The following DMRT1 variants were observed in gnomAD, a reference collection of about 807,000 sequenced individuals.
The protein encoded by DMRT1 is doublesex- and mab-3-related transcription factor 1.
A neutral mutation model predicts 32.3 loss-of-function variants in DMRT1; 7 were observed. The observed-to-expected ratio is 0.22, with a 90% CI of 0.12 to 0.41. The LOEUF (loss-of-function observed/expected upper bound fraction) is 0.41. Among genes scored for constraint, DMRT1 ranks in the 10% least tolerant of loss-of-function variants. The probability of loss-of-function intolerance (pLI) is 1.00; values close to 1 mark genes in which losing one functional copy is unlikely to be tolerated. For synonymous variants in DMRT1, 278 were observed against 206.1 expected, an observed-to-expected ratio of 1.35 and a Z score of -2.99; for missense variants, 625 against 500.5, an observed-to-expected ratio of 1.25 and a Z score of -2.37.
intron 3 of DMRT1, among the ~76,000 whole-genome samples, chr9:899,787 A>T (rs1461479911): frequency 1.3e-5 from 2 of 152,234 alleles, no homozygotes; most frequent in Non-Finnish European, 2.9e-5. Context: ...AGCAGAAATA[A>T]ATATGGGAGG....
At chr9:921,280 G>A (rs1388444399) in intron 4 of DMRT1, among the ~76,000 whole-genome samples, 2 of 152,126 alleles carry the variant, frequency 1.3e-5, no homozygotes, top group East Asian at 3.9e-4. Flanking sequence ...TAGCTTAAAT[G>A]TTTTCATGAT....
chr9:853,592 C>G (rs1396640596), intron 2 of DMRT1, among the ~76,000 whole-genome samples: 1 of 151,468 alleles, frequency 6.6e-6, no homozygotes, highest in Non-Finnish European at 1.5e-5. Context: ...CCTGTCTCAG[C>G]CTCCTGAATA....
chr9:968,854 C>T lies in DMRT1; in HGVS notation c.*715C>T, dbSNP rs1327773548. The T allele has an allele frequency of 6.6e-6, 1 of 152,626 alleles. No individual in the cohort carries two copies. Among genetic ancestry groups the T allele is most frequent in the Non-Finnish European group, 1.5e-5 (1 of 68,080 alleles). The allele number at this position is 152,626 out of a possible 1,614,324, so 9.5% of individuals were successfully genotyped here. The stretch of plus-strand genomic sequence containing the variant: ...ATGAGTTTATCATACATTCTTTCTA[C>T]TACTGGAAAAAAATGGATGCAGTCT... On this transcript the variant is annotated 3_prime_UTR_variant, in exon 5 of 5. Coordinates refer to ENST00000382276, the MANE Select transcript of DMRT1 (RefSeq NM_021951.3).
chr9:949,942 C>A (rs12004781), intron 4 of DMRT1, among the ~76,000 whole-genome samples: 1 of 151,974 alleles, frequency 6.6e-6, no homozygotes, highest in Non-Finnish European at 1.5e-5. Context: ...GCACATTGTC[C>A]TTATTCATCT....
At chr9:868,687 G>C (rs1564209697) in intron 2 of DMRT1, among the ~76,000 whole-genome samples, 1 of 152,206 alleles carries the variant, frequency 6.6e-6, no homozygotes, top group Non-Finnish European at 1.5e-5. Context: ...GAATTGCAGA[G>C]TATACTTAAA....
At chr9:922,299 G>GA (rs1323509190) in intron 4 of DMRT1, among the ~76,000 whole-genome samples, 4 of 152,166 alleles carry the variant, frequency 2.6e-5, no homozygotes, top group Non-Finnish European at 5.9e-5. Context: ...CTGCTCCACA[G>GA]ACTGTTTGAA....
At chr9:888,328 CAG>C (rs1321848850) in intron 2 of DMRT1, among the ~76,000 whole-genome samples, 18 of 148,322 alleles carry the variant, frequency 1.2e-4, no homozygotes, top group Admixed American at 5.4e-4. Context: ...CCTTTTGAGA[CAG>C]AGTCTTGCCC....
chr9:947,156 G>A (rs1232908964), intron 4 of DMRT1, among the ~76,000 whole-genome samples: 2 of 152,214 alleles, frequency 1.3e-5, no homozygotes, highest in African/African-American at 2.4e-5. Flanking sequence ...CCTAGTCCAA[G>A]CTTGTCCATC....
At chr9:854,521 A>G (rs1238147476) in intron 2 of DMRT1, among the ~76,000 whole-genome samples, 6 of 152,114 alleles carry the variant, frequency 3.9e-5, no homozygotes, top group African/African-American at 1.2e-4. Flanking sequence ...GAGTTTTCTA[A>G]TGTTGTAAAG....
At chr9:847,765 G>C (rs1838968352) in intron 2 of DMRT1, among the ~76,000 whole-genome samples, 1 of 152,190 alleles carries the variant, frequency 6.6e-6, no homozygotes, top group Non-Finnish European at 1.5e-5. Flanking sequence ...ACTGCACTAG[G>C]TCTCTAAATT....
chr9:886,983 A>C (rs929933705), intron 2 of DMRT1, among the ~76,000 whole-genome samples: 1 of 152,214 alleles, frequency 6.6e-6, no homozygotes, highest in African/African-American at 2.4e-5. Flanking sequence ...ACAAGCATCA[A>C]AAGGGAATCT....
chr9:850,332 C>CA (rs1839091043), intron 2 of DMRT1, among the ~76,000 whole-genome samples: 1 of 151,928 alleles, frequency 6.6e-6, no homozygotes, highest in South Asian at 2.1e-4. Context: ...GGGGGAGAGC[C>CA]AAAAAAACAA....
intron 2 of DMRT1, among the ~76,000 whole-genome samples, chr9:857,625 T>G (rs141040452): frequency 1.0e-3 from 152 of 151,720 alleles, no homozygotes; most frequent in African/African-American, 3.4e-3. Flanking sequence ...TGTGAGTTTC[T>G]TTTTTTTTCT....
intron 4 of DMRT1, among the ~76,000 whole-genome samples, chr9:923,819 T>C (rs553611361): frequency 6.6e-6 from 1 of 152,384 alleles, no homozygotes; most frequent in East Asian, 1.9e-4. Context: ...TAGAAAATGC[T>C]GAGTTTAATT....
At chr9:955,097 G>T (rs1364443034) in intron 4 of DMRT1, among the ~76,000 whole-genome samples, 2 of 152,222 alleles carry the variant, frequency 1.3e-5, no homozygotes, top group African/African-American at 4.8e-5. Context: ...CTCAGGGTTG[G>T]ATTAGAGAAG....
rs200863432 is a variant in DMRT1, at chr9:942,302, C to G, written c.967+25395C>G. 1.3e-4 allele frequency among the ~76,000 whole-genome samples: 20 copies of G among 152,268 alleles called. No individual in the cohort carries two copies. The East Asian group carries it at 2.9e-3, about 22-fold the overall frequency. On this transcript the variant is annotated intron_variant, in intron 4 of 4. Coordinates refer to ENST00000382276, the MANE Select transcript of DMRT1 (RefSeq NM_021951.3). ...TTTTCCTTTTTATTTGAGTCAGGGT[C>G]TCAATGTGTCACCCAGGCTGGAGTG...
chr9:851,112 T>C (rs1839131978), intron 2 of DMRT1, among the ~76,000 whole-genome samples: 2 of 150,626 alleles, frequency 1.3e-5, no homozygotes, highest in South Asian at 2.1e-4. Context: ...GTTGTAGGAG[T>C]TGTCATGGAA....
intron 3 of DMRT1, 63 bp downstream of exon 3, chr9:894,258 C>A (rs1817266737): frequency 6.5e-7 from 1 of 1,543,414 alleles, no homozygotes; most frequent in East Asian, 2.2e-5. Flanking sequence ...TGTGCACACA[C>A]ATGCACATAC....
chr9:949,221 G>C (rs564422114), intron 4 of DMRT1, among the ~76,000 whole-genome samples: 2 of 152,006 alleles, frequency 1.3e-5, no homozygotes, highest in African/African-American at 2.4e-5. Flanking sequence ...AAAACAATTA[G>C]CTGGCATGGT....
Sources: gnomAD v4.1 joint callset for allele counts (sites outside exome capture counted in the v4.1 genomes callset) on GRCh38, gnomAD v4.1.1 for gene constraint, MANE v1.5 for transcripts, NCBI Gene and HGNC (gene_info 2026-07-23, HGNC 2026-07-21) for gene names.